The following KCNIP1 variants were observed in gnomAD, a reference collection of about 807,000 sequenced individuals.
KCNIP1 encodes the protein A-type potassium channel modulatory protein KCNIP1.
A neutral mutation model predicts 33.0 loss-of-function variants in KCNIP1; 18 were observed. That is an observed-to-expected ratio of 0.55 (90% confidence interval 0.38 to 0.81). The LOEUF (loss-of-function observed/expected upper bound fraction) is 0.81, where lower values mean the gene tolerates loss of function less well. Among genes scored for constraint, KCNIP1 ranks in the 30% least tolerant of loss-of-function variants. The pLI is 0.00. For synonymous variants in KCNIP1, 93 were observed against 98.3 expected (o/e 0.95, Z 0.32); for missense variants, 238 against 271.6 (o/e 0.88, Z 0.87).
At chr5:170,613,316 T>C (rs1186763792) in intron 1 of KCNIP1, among the ~76,000 whole-genome samples, 1 of 152,206 alleles carries the variant, frequency 6.6e-6, no homozygotes, top group African/African-American at 2.4e-5. Context: ...GTCACATCCC[T>C]TCCCTGGAGA....
Position 170,504,185 on chromosome 5 carries a change from G to A in KCNIP1, c.-388G>A, listed in dbSNP as rs978444312. On this transcript the variant is annotated 5_prime_UTR_variant, in exon 1 of 8. Transcript: ENST00000328939. This position sits in a 1 kb window ranked among gnomAD's most constrained non-coding sequence, Gnocchi z 6.0. Reference sequence around the variant, plus strand: ...CGAGTGTGCGGCAGGAGGGGCGGGCGGACGGCGGCTCCCGCACCGCACGCG... The same window carrying A: ...CGAGTGTGCGGCAGGAGGGGCGGGCAGACGGCGGCTCCCGCACCGCACGCG... The A allele has an allele frequency of 9.8e-6, 10 of 1,017,950 alleles. No homozygotes were observed. The highest frequency in any genetic ancestry group is 5.8e-5 in the Admixed American group (1 of 17,126). 63.1% of individuals were successfully genotyped at this position (1,017,950 alleles called of 1,614,324 possible).
intron 1 of KCNIP1, among the ~76,000 whole-genome samples, chr5:170,355,511 G>C (rs1285488033): frequency 6.6e-6 from 1 of 152,150 alleles, no homozygotes; most frequent in Non-Finnish European, 1.5e-5. Flanking sequence ...TGGCGACCCA[G>C]ACCCCACACA....
chr5:170,679,799 A>G (rs947113415), intron 1 of KCNIP1, among the ~76,000 whole-genome samples: 8 of 151,956 alleles, frequency 5.3e-5, no homozygotes, highest in African/African-American at 1.9e-4. Context: ...ATTATTTTTA[A>G]TGGCTCACAT....
Position 170,481,348 on chromosome 5 carries a change from G to A in KCNIP1, c.88+127384G>A, listed in dbSNP as rs563404750. Among the ~76,000 whole-genome samples, 6 of 152,268 alleles carry A rather than the reference G, an allele frequency of 3.9e-5. No homozygotes were observed. The East Asian group carries it at 9.7e-4, about 25-fold the overall frequency. ...AGAAAACTGTTAGAGACAAAGTCTG[G>A]CCATTTAGGGGTACAGGAGAGTTGT... On this transcript the variant is annotated intron_variant, in intron 1 of 7. Transcript: ENST00000377360.
At chr5:170,515,176 C>T (rs1755076640) in intron 1 of KCNIP1, among the ~76,000 whole-genome samples, 1 of 152,274 alleles carries the variant, frequency 6.6e-6, no homozygotes, top group Admixed American at 6.5e-5. Context: ...TCACTCATTT[C>T]CTAGAAGCGC....
intron 1 of KCNIP1, among the ~76,000 whole-genome samples, chr5:170,596,112 C>T (rs1758432040): frequency 1.3e-5 from 2 of 152,166 alleles, no homozygotes; most frequent in Non-Finnish European, 2.9e-5. Context: ...TCGAAAGCAG[C>T]AGAAAGAAAC....
At chr5:170,699,273 G>C (rs1243429059) in intron 1 of KCNIP1, among the ~76,000 whole-genome samples, 1 of 152,106 alleles carries the variant, frequency 6.6e-6, no homozygotes. Flanking sequence ...AGATGAGACA[G>C]ATTGACACAG....
chr5:170,385,542 G>A, intron 1 of KCNIP1: 1 of 1,377,910 alleles, frequency 7.3e-7, no homozygotes, highest in Non-Finnish European at 1.0e-6. Flanking sequence ...GAGAGGACAG[G>A]TGAGAGGGGA....
intron 7 of KCNIP1, among the ~76,000 whole-genome samples, chr5:170,734,175 G>A (rs957554258): frequency 1.4e-5 from 2 of 146,974 alleles, no homozygotes; most frequent in East Asian, 2.8e-4. Context: ...TAGACTTCCC[G>A]AGAGGGCAAC....
At chr5:170,393,951 T>A (rs77809345) in intron 1 of KCNIP1, among the ~76,000 whole-genome samples, 1 of 152,186 alleles carries the variant, frequency 6.6e-6, no homozygotes, top group Admixed American at 6.5e-5. Flanking sequence ...TTTAAAAAAA[T>A]GCTTTTTCCT....
chr5:170,406,539 A>G (rs1198888394), intron 1 of KCNIP1, among the ~76,000 whole-genome samples: 2 of 152,242 alleles, frequency 1.3e-5, no homozygotes, highest in Non-Finnish European at 2.9e-5. Context: ...ACTGAATTTA[A>G]AAAGTGGCTC....
At chr5:170,642,649 C>G (rs1760616004) in intron 1 of KCNIP1, among the ~76,000 whole-genome samples, 1 of 152,222 alleles carries the variant, frequency 6.6e-6, no homozygotes, top group Admixed American at 6.5e-5. Context: ...AGATTCACTT[C>G]AAGCACCATC....
chr5:170,424,052 C>T lies in KCNIP1; in HGVS notation c.88+70088C>T, dbSNP rs544229067. 2.6e-5 allele frequency among the ~76,000 whole-genome samples: 4 copies of T among 152,322 alleles called. No homozygotes were observed. The South Asian group carries it at 6.2e-4, about 24-fold the overall frequency. On this transcript the variant is annotated intron_variant, in intron 1 of 7. Coordinates refer to the KCNIP1 transcript ENST00000377360. The stretch of plus-strand genomic sequence containing the variant: ...AAAATGTAACAGCTGCTTATGTAAC[C>T]ATTAGGCTGGACATAAATCATTCAT...
chr5:170,706,860 T>C (rs1343189958), intron 1 of KCNIP1, among the ~76,000 whole-genome samples: 1 of 152,176 alleles, frequency 6.6e-6, no homozygotes, highest in Non-Finnish European at 1.5e-5. Flanking sequence ...CCACCCGTGT[T>C]AATCCTCTTA....
Position 170,516,597 on chromosome 5 carries a change from G to A in KCNIP1, c.61+11964G>A, listed in dbSNP as rs116110323. Among the ~76,000 whole-genome samples the A allele has an allele frequency of 3.6e-3, 555 of 152,286 alleles. 5 individuals are homozygous for A. Among genetic ancestry groups the A allele is most frequent in the African/African-American group, 0.013 (532 of 41,566 alleles). The stretch of plus-strand genomic sequence containing the variant: ...CGCCAACAGCATATTCACAAGATAC[G>A]AACATCAAAGATTGTGGCTTGGTGT... On this transcript the variant is annotated intron_variant, in intron 1 of 7. Coordinates refer to ENST00000328939, the MANE Select transcript of KCNIP1 (RefSeq NM_014592.4).
chr5:170,686,786 A>G (rs1309390789), intron 1 of KCNIP1, among the ~76,000 whole-genome samples: 1 of 152,188 alleles, frequency 6.6e-6, no homozygotes, highest in Admixed American at 6.5e-5. Flanking sequence ...AGTATATTCC[A>G]TGCAGCACTC....
intron 1 of KCNIP1, among the ~76,000 whole-genome samples, chr5:170,716,371 A>T (rs1337612064): frequency 1.3e-5 from 2 of 152,216 alleles, no homozygotes; most frequent in Non-Finnish European, 2.9e-5. Flanking sequence ...TTTAAATTAC[A>T]ATTCTTACTA....
intron 1 of KCNIP1, among the ~76,000 whole-genome samples, chr5:170,396,622 C>G (rs543262816): frequency 6.6e-6 from 1 of 152,146 alleles, no homozygotes; most frequent in African/African-American, 2.4e-5. Flanking sequence ...TTCAAAGATT[C>G]AAAGGTGGAT....
chr5:170,581,728 G>C (rs1757801701), intron 1 of KCNIP1, among the ~76,000 whole-genome samples: 3 of 152,218 alleles, frequency 2.0e-5, no homozygotes, highest in Admixed American at 1.3e-4. Flanking sequence ...ATCTTTGATG[G>C]TTAAACCCAC....
Sources: allele counts gnomAD v4.1 joint callset (sites outside exome capture counted in the v4.1 genomes callset), GRCh38; gene constraint gnomAD v4.1.1; non-coding constraint Gnocchi (gnomAD v3.1); transcripts MANE v1.5; gene names NCBI Gene and HGNC (gene_info 2026-07-23, HGNC 2026-07-21).